Variants in RNF111 observed in about 807,000 individuals in gnomAD.
RNF111 encodes the protein ring finger protein 111.
Under a neutral mutation model 95.1 loss-of-function variants are expected in RNF111, and 17 were observed. That is an observed-to-expected ratio of 0.18 (90% CI 0.12 to 0.27). The LOEUF (loss-of-function observed/expected upper bound fraction) is 0.27, where lower values mean the gene tolerates loss of function less well. Among genes scored for constraint, RNF111 ranks in the 10% least tolerant of loss-of-function variants. RNF111 has a pLI of 1.00. For synonymous variants in RNF111, 440 were observed against 414.8 expected (o/e 1.06, Z -0.74); for missense variants, 1,189 against 1,210.4 (o/e 0.98, Z 0.26).
Position 59,097,416 on chromosome 15 carries a change from C to T in RNF111, c.*2516C>T, listed in dbSNP as rs968232005. ...GTTGTGATAAACTGATCGTTTGAAACGTTTTTCTTACTCTGGTGACTTTCT... is the reference window on the plus strand; with the variant it reads ...GTTGTGATAAACTGATCGTTTGAAATGTTTTTCTTACTCTGGTGACTTTCT... On this transcript the variant is annotated 3_prime_UTR_variant, in exon 14 of 14. Coordinates refer to ENST00000348370, the MANE Select transcript of RNF111 (RefSeq NM_017610.8). 11 of 151,990 alleles carry T rather than the reference C, an allele frequency of 7.2e-5. No individual in the cohort carries two copies. In the South Asian group the frequency reaches 8.3e-4, roughly 11 times the overall value. 9.4% of individuals were successfully genotyped at this position (151,990 alleles called of 1,614,324 possible).
intron 1 of RNF111, among the ~76,000 whole-genome samples, chr15:59,020,493 A>G (rs1424039843): frequency 2.6e-5 from 4 of 152,264 alleles, no homozygotes; most frequent in South Asian, 2.1e-4. Context: ...TCATTTTGCT[A>G]TTGGCTGTAA....
At chr15:58,992,942 G>T (rs1255191227) in intron 1 of RNF111, among the ~76,000 whole-genome samples, 1 of 152,222 alleles carries the variant, frequency 6.6e-6, no homozygotes, top group African/African-American at 2.4e-5. Flanking sequence ...GCTGAGGCAG[G>T]CGGATCACCT....
intron 6 of RNF111, among the ~76,000 whole-genome samples, chr15:59,071,336 C>T (rs1446950617): frequency 2.0e-5 from 3 of 147,380 alleles, no homozygotes; most frequent in African/African-American, 7.5e-5. Context: ...AGAAGTGATT[C>T]TTGCCTTTGC....
intron 2 of RNF111, among the ~76,000 whole-genome samples, chr15:59,046,917 G>C (rs1203515537): frequency 6.6e-6 from 1 of 151,872 alleles, no homozygotes; most frequent in East Asian, 1.9e-4. Flanking sequence ...GTCCAGGCTG[G>C]AGTACAATGG....
At chr15:59,004,097 T>G in intron 1 of RNF111, 1 of 1,079,152 alleles carries the variant, frequency 9.3e-7, no homozygotes, top group Non-Finnish European at 1.2e-6. Context: ...CCCAGACTCT[T>G]GGATTTATTT....
At chr15:59,002,053 C>T (rs750390002) in intron 1 of RNF111, among the ~76,000 whole-genome samples, 11 of 152,196 alleles carry the variant, frequency 7.2e-5, no homozygotes, top group Non-Finnish European at 1.6e-4. Flanking sequence ...ATGACATGGG[C>T]ACTGTGTAGG....
chr15:59,093,078 C>T (rs952232293), intron 13 of RNF111, among the ~76,000 whole-genome samples: 7 of 152,170 alleles, frequency 4.6e-5, no homozygotes, highest in South Asian at 4.1e-4. Context: ...ATTTCTGGCA[C>T]GTAGAACTGG....
intron 2 of RNF111, among the ~76,000 whole-genome samples, chr15:59,045,687 A>G (rs2141901748): frequency 6.6e-6 from 1 of 152,310 alleles, no homozygotes; most frequent in South Asian, 2.1e-4. Context: ...TTTAGTTTTA[A>G]ATGTACTTTT....
chr15:59,089,182 T>C (rs1281953459), intron 10 of RNF111, among the ~76,000 whole-genome samples: 2 of 152,124 alleles, frequency 1.3e-5, no homozygotes, highest in Non-Finnish European at 2.9e-5. Context: ...TTCACACATA[T>C]GTAATCCATA....
chr15:59,023,146 G>A (rs1447796668), intron 1 of RNF111, among the ~76,000 whole-genome samples: 6 of 152,204 alleles, frequency 3.9e-5, no homozygotes, highest in African/African-American at 1.4e-4. Flanking sequence ...TACTCGGGAG[G>A]CTGAGGCAGG....
intron 1 of RNF111, among the ~76,000 whole-genome samples, chr15:59,019,105 A>ATTTTTTTTTTTTTTTTTTTTT (rs35154303): frequency 1.6e-5 from 2 of 121,286 alleles, no homozygotes; most frequent in Admixed American, 8.1e-5. Flanking sequence ...GTATTTTTGT[A>ATTTTTTTTTTTTTTTTTTTTT]TTTTTTTTTT....
intron 12 of RNF111, among the ~76,000 whole-genome samples, chr15:59,091,679 T>A (rs2079057728): frequency 6.6e-6 from 1 of 152,212 alleles, no homozygotes; most frequent in African/African-American, 2.4e-5. Flanking sequence ...GGGGTAGACA[T>A]GTTAAATACG....
intron 7 of RNF111, among the ~76,000 whole-genome samples, chr15:59,076,588 G>A (rs966596855): frequency 6.6e-6 from 1 of 152,164 alleles, no homozygotes; most frequent in Non-Finnish European, 1.5e-5. Context: ...GGTTGGGCAT[G>A]ATGGCTCACT....
chr15:59,018,933 C>CT (rs1348628076), intron 1 of RNF111, among the ~76,000 whole-genome samples: 2 of 150,846 alleles, frequency 1.3e-5, no homozygotes, highest in East Asian at 1.9e-4. Flanking sequence ...TTTCTTTTTT[C>CT]TTTTTTTTGA....
chr15:58,992,294 C>T (rs1418748097), intron 1 of RNF111, among the ~76,000 whole-genome samples: 1 of 152,156 alleles, frequency 6.6e-6, no homozygotes, highest in African/African-American at 2.4e-5. Flanking sequence ...ATTCGCCCGT[C>T]TCGGCCTCCC....
chr15:59,001,582 A>G (rs1320241976), intron 1 of RNF111, among the ~76,000 whole-genome samples: 1 of 152,196 alleles, frequency 6.6e-6, no homozygotes, highest in Non-Finnish European at 1.5e-5. Context: ...TATTAGTGAC[A>G]TGGAAATGGG....
intron 1 of RNF111, among the ~76,000 whole-genome samples, chr15:59,008,898 C>G (rs759062491): frequency 2.4e-4 from 37 of 152,100 alleles, no homozygotes; most frequent in Non-Finnish European, 3.7e-4. Flanking sequence ...AAACTTAAAA[C>G]AGTATACTTT....
chr15:59,015,235 T>C (rs1208027211), intron 1 of RNF111, among the ~76,000 whole-genome samples: 2 of 152,206 alleles, frequency 1.3e-5, no homozygotes, highest in Admixed American at 1.3e-4. Flanking sequence ...AAGATAGAAG[T>C]CACTTATGTT....
chr15:58,996,099 A>G (rs1210358367), intron 1 of RNF111, among the ~76,000 whole-genome samples: 2 of 152,218 alleles, frequency 1.3e-5, no homozygotes, highest in East Asian at 1.9e-4. Context: ...TTTTTCAAAT[A>G]CATAATGAGT....
Sources: gnomAD v4.1 joint callset for allele counts (sites outside exome capture counted in the v4.1 genomes callset) on GRCh38, gnomAD v4.1.1 for gene constraint, MANE v1.5 for transcripts, NCBI Gene and HGNC (gene_info 2026-07-23, HGNC 2026-07-21) for gene names.